Variants in ELMO1 observed in about 807,000 individuals in gnomAD.
ELMO1 encodes the protein engulfment and cell motility 1.
In ELMO1, 26 loss-of-function variants were observed where a neutral mutation model predicts 98.9. The ratio of observed to expected loss-of-function variants is 0.26; its 90% CI spans 0.19 to 0.36. ELMO1 has a LOEUF of 0.36. Among genes scored for constraint, ELMO1 ranks in the 10% least tolerant of loss-of-function variants. The pLI, the probability that ELMO1 is intolerant of heterozygous loss-of-function variation, is 1.00. For synonymous variants in ELMO1, 346 were observed against 346.0 expected (o/e 1.00, Z 0.00); for missense variants, 627 against 935.2 (o/e 0.67, Z 4.30).
chr7:37,168,960 A>T (rs1262768394), intron 13 of ELMO1, among the ~76,000 whole-genome samples: 1 of 152,216 alleles, frequency 6.6e-6, no homozygotes, highest in Admixed American at 6.5e-5. Context: ...CTACAGAGGC[A>T]GGCAGGCCTC....
At chr7:37,255,900 G>T (rs76680174) in intron 6 of ELMO1, among the ~76,000 whole-genome samples, 1 of 152,194 alleles carries the variant, frequency 6.6e-6, no homozygotes, top group Non-Finnish European at 1.5e-5. Flanking sequence ...GAAGCCGTGG[G>T]GGGTATGTAG....
intron 1 of ELMO1, among the ~76,000 whole-genome samples, chr7:37,404,906 C>A (rs1803689678): frequency 6.6e-6 from 1 of 152,200 alleles, no homozygotes; most frequent in African/African-American, 2.4e-5. Flanking sequence ...CCTTTCCCCT[C>A]TTTGTTCCCC....
At chr7:37,405,218 G>GA (rs34397484) in intron 1 of ELMO1, among the ~76,000 whole-genome samples, 1 of 151,820 alleles carries the variant, frequency 6.6e-6, no homozygotes. Flanking sequence ...CAACAATGGG[G>GA]AAAAAAAACC....
intron 7 of ELMO1, among the ~76,000 whole-genome samples, chr7:37,236,301 A>C (rs1794456364): frequency 2.0e-5 from 3 of 152,210 alleles, no homozygotes; most frequent in Admixed American, 1.3e-4. Context: ...CTTGTTTGGG[A>C]GTCAAGATTT....
chr7:37,356,006 C>G (rs1205169023), intron 1 of ELMO1, among the ~76,000 whole-genome samples: 1 of 152,198 alleles, frequency 6.6e-6, no homozygotes, highest in Non-Finnish European at 1.5e-5. Flanking sequence ...GCTTAGAAAA[C>G]AATCAATACC....
Position 37,083,851 on chromosome 7 carries a change from G to A in ELMO1, c.1300+12768C>T, listed in dbSNP as rs140308283. 9.0e-3 allele frequency among the ~76,000 whole-genome samples: 1,369 copies of A among 152,298 alleles called. 6 individuals carry two copies. Among genetic ancestry groups the A allele is most frequent in the Middle Eastern group, 0.014 (4 of 294 alleles). Reference sequence around the variant, plus strand: ...GTGGATAGGAGCACCTGCTGAGGAGGAGGCATCTTTGGAAAAGTGCTGTTT... The same window carrying A: ...GTGGATAGGAGCACCTGCTGAGGAGAAGGCATCTTTGGAAAAGTGCTGTTT... On this transcript the variant is annotated intron_variant, in intron 15 of 21. Coordinates refer to ENST00000310758, the MANE Select transcript of ELMO1 (RefSeq NM_014800.11).
chr7:37,388,854 A>G (rs772391634), intron 1 of ELMO1, among the ~76,000 whole-genome samples: 19 of 152,300 alleles, frequency 1.2e-4, no homozygotes, highest in Non-Finnish European at 2.5e-4. Flanking sequence ...CACACAAAAG[A>G]CGTTCTGCAT....
chr7:37,124,109 A>G (rs1281603290), intron 14 of ELMO1, among the ~76,000 whole-genome samples: 1 of 152,228 alleles, frequency 6.6e-6, no homozygotes, highest in African/African-American at 2.4e-5. Context: ...AACTCTCAAT[A>G]AATTAGGTAT....
chr7:37,260,237 A>G (rs1795909303), intron 5 of ELMO1, among the ~76,000 whole-genome samples: 1 of 152,018 alleles, frequency 6.6e-6, no homozygotes, highest in South Asian at 2.1e-4. Flanking sequence ...TGGTTGAAGC[A>G]CTCTGCTATC....
chr7:37,168,452 C>G (rs1014001570), intron 13 of ELMO1, among the ~76,000 whole-genome samples: 1 of 152,108 alleles, frequency 6.6e-6, no homozygotes, highest in Non-Finnish European at 1.5e-5. Context: ...TCTGTTTTTT[C>G]CCCATCTTTG....
intron 16 of ELMO1, among the ~76,000 whole-genome samples, chr7:37,000,131 A>T (rs1399005475): frequency 6.6e-6 from 1 of 152,238 alleles, no homozygotes; most frequent in Admixed American, 6.5e-5. Flanking sequence ...ACGTTGGGGC[A>T]AAAGTATGTC....
intron 16 of ELMO1, among the ~76,000 whole-genome samples, chr7:36,937,368 G>A (rs535268692): frequency 6.6e-6 from 1 of 152,328 alleles, no homozygotes; most frequent in East Asian, 1.9e-4. Context: ...GCGAGGAAAT[G>A]CCAAGGATGG....
chr7:37,023,839 C>T (rs753362962), intron 15 of ELMO1, among the ~76,000 whole-genome samples: 2 of 152,152 alleles, frequency 1.3e-5, no homozygotes, highest in Non-Finnish European at 2.9e-5. Context: ...CCACCTCAGC[C>T]TCTCAAAGTT....
At chr7:37,236,355 C>A (rs1794459088) in intron 7 of ELMO1, among the ~76,000 whole-genome samples, 1 of 152,270 alleles carries the variant, frequency 6.6e-6, no homozygotes, top group South Asian at 2.1e-4. Flanking sequence ...ATTTCTGAGA[C>A]TGCAAATAGA....
At chr7:37,328,561 G>A (rs926942873) in intron 2 of ELMO1, among the ~76,000 whole-genome samples, 9 of 152,020 alleles carry the variant, frequency 5.9e-5, no homozygotes, top group East Asian at 3.9e-4. Flanking sequence ...GGTGCTCAGC[G>A]CTAACACCTG....
rs560528781 is a variant in ELMO1 at position 37,268,332 on chromosome 7, C to T, written c.243+3500G>A. ...TATATTTTTTTGTGAGACAGGCTCT[C>T]GCTCTGTCGCCCAGGCTGGAGTGCA... On this transcript the variant is annotated intron_variant, in intron 5 of 21. Transcript: ENST00000310758. Among the ~76,000 whole-genome samples, 6 of 152,262 alleles carry T rather than the reference C, an allele frequency of 3.9e-5. No individual in the cohort carries two copies. In the East Asian group the frequency reaches 9.6e-4, roughly 24 times the overall value.
intron 1 of ELMO1, among the ~76,000 whole-genome samples, chr7:37,356,642 C>T (rs887802360): frequency 2.0e-4 from 30 of 151,564 alleles, no homozygotes; most frequent in African/African-American, 7.3e-4. Flanking sequence ...GATGGAATTA[C>T]GAGAAATACC....
chr7:37,331,787 AAG>A (rs1800139406), intron 2 of ELMO1, among the ~76,000 whole-genome samples: 1 of 152,172 alleles, frequency 6.6e-6, no homozygotes, highest in African/African-American at 2.4e-5. Flanking sequence ...GGGAGAAAAA[AAG>A]AGTCTAAAAG....
intron 1 of ELMO1, among the ~76,000 whole-genome samples, chr7:37,396,590 T>C (rs1803309685): frequency 6.6e-6 from 1 of 152,178 alleles, no homozygotes; most frequent in East Asian, 1.9e-4. Context: ...CAGGAATCCT[T>C]TGCATCACTG....
Sources: allele counts gnomAD v4.1 joint callset (sites outside exome capture counted in the v4.1 genomes callset), GRCh38; gene constraint gnomAD v4.1.1; transcripts MANE v1.5; gene names NCBI Gene and HGNC (gene_info 2026-07-23, HGNC 2026-07-21).